Variants in ATP2B2 observed in about 807,000 individuals in gnomAD.
The protein encoded by ATP2B2 is ATPase plasma membrane Ca2+ transporting 2, also known as plasma membrane calcium-transporting ATPase 2.
ATP2B2 carries 15 observed loss-of-function variants against 120.0 expected under a neutral mutation model. The ratio of observed to expected loss-of-function variants is 0.12; its 90% CI spans 0.08 to 0.19. ATP2B2 has a LOEUF of 0.19. Among genes scored for constraint, ATP2B2 ranks in the 10% least tolerant of loss-of-function variants. The probability of loss-of-function intolerance (pLI) is 1.00; values close to 1 mark genes in which losing one functional copy is unlikely to be tolerated. For missense variants in ATP2B2, 1,045 were observed against 1,719.8 expected, an observed-to-expected ratio of 0.61 and a Z score of 6.94; for synonymous variants, 694 against 700.3, an observed-to-expected ratio of 0.99 and a Z score of 0.14.
At chr3:10,489,278 C>G (rs1038923537) in intron 1 of ATP2B2, among the ~76,000 whole-genome samples, 1 of 152,168 alleles carries the variant, frequency 6.6e-6, no homozygotes, top group African/African-American at 2.4e-5. Flanking sequence ...TGTTTATGGT[C>G]TCTCTCCACC....
intron 2 of ATP2B2, among the ~76,000 whole-genome samples, chr3:10,564,023 A>G (rs2125534263): frequency 6.6e-6 from 1 of 152,316 alleles, no homozygotes; most frequent in East Asian, 1.9e-4. Flanking sequence ...ATGTGTTTTC[A>G]TGGGGCTGCC....
chr3:10,509,019 C>T (rs1575439043), upstream of ATP2B2, among the ~76,000 whole-genome samples: 1 of 152,196 alleles, frequency 6.6e-6, no homozygotes, highest in African/African-American at 2.4e-5. Context: ...CCATGTTTTT[C>T]TCCCTTGGGG....
At chr3:10,345,088 C>T (rs1166788155) in intron 18 of ATP2B2, among the ~76,000 whole-genome samples, 2 of 152,214 alleles carry the variant, frequency 1.3e-5, no homozygotes, top group Non-Finnish European at 2.9e-5. Flanking sequence ...TTGAGGATTC[C>T]CTCTCCTGCC....
At chr3:10,384,593 T>A (rs1226683878) in intron 8 of ATP2B2, among the ~76,000 whole-genome samples, 3 of 152,124 alleles carry the variant, frequency 2.0e-5, no homozygotes, top group African/African-American at 7.2e-5. Context: ...CAGTACACAG[T>A]GCCAGCCCCT....
At chr3:10,338,730 C>A (rs111950869) in intron 21 of ATP2B2, 1 of 322,082 alleles carries the variant, frequency 3.1e-6, no homozygotes, top group Non-Finnish European at 5.9e-6. Context: ...CCTCACCGAG[C>A]TTTGGTTTTC....
intron 2 of ATP2B2, among the ~76,000 whole-genome samples, chr3:10,610,535 G>A (rs1342593384): frequency 2.0e-5 from 3 of 152,194 alleles, no homozygotes; most frequent in African/African-American, 7.2e-5. Context: ...CACTGCATGA[G>A]GTGAATGGAG....
At chr3:10,645,598 T>A (rs1434184186) in intron 1 of ATP2B2, among the ~76,000 whole-genome samples, 1 of 152,174 alleles carries the variant, frequency 6.6e-6, no homozygotes, top group East Asian at 1.9e-4. Flanking sequence ...GTTCTTGCAA[T>A]TTGAGATTTC....
intron 12 of ATP2B2, among the ~76,000 whole-genome samples, chr3:10,369,068 G>A (rs906114391): frequency 2.6e-5 from 4 of 152,200 alleles, no homozygotes; most frequent in African/African-American, 7.2e-5. Flanking sequence ...GCATATGGGA[G>A]CCCAGCCCTG....
At chr3:10,477,450 T>C (rs2065247921) in intron 1 of ATP2B2, among the ~76,000 whole-genome samples, 1 of 152,244 alleles carries the variant, frequency 6.6e-6, no homozygotes, top group African/African-American at 2.4e-5. Context: ...TTCAGTGACA[T>C]TAAGTGCATC....
Position 10,340,758 on chromosome 3 carries a change from G to C in ATP2B2, c.2918-54C>G. ...GAAGGCAGTGGTGGGGGAATCAGAG[G>C]GGAGATGCCTGGCCTTTCGTGGGGG... On this transcript the variant is annotated intron_variant, in intron 19 of 22. Transcript: ENST00000360273. This position sits in a 1 kb window ranked among gnomAD's most constrained non-coding sequence, Gnocchi z 5.0. 1 of 1,587,356 alleles carries C rather than the reference G, an allele frequency of 6.3e-7. No individual in the cohort carries two copies. Among genetic ancestry groups the C allele is most frequent in the Non-Finnish European group, 8.6e-7 (1 of 1,156,336 alleles).
At chr3:10,427,114 G>A (rs1327873649) in intron 2 of ATP2B2, among the ~76,000 whole-genome samples, 2 of 152,180 alleles carry the variant, frequency 1.3e-5, no homozygotes, top group East Asian at 3.8e-4. Context: ...CAAAACAGAT[G>A]TGGGTTAAGG....
intron 2 of ATP2B2, among the ~76,000 whole-genome samples, chr3:10,416,032 G>T (rs1338911043): frequency 6.6e-6 from 1 of 152,176 alleles, no homozygotes; most frequent in Non-Finnish European, 1.5e-5. Flanking sequence ...CCTCTAGGCT[G>T]GGGAAACCCA....
intron 12 of ATP2B2, among the ~76,000 whole-genome samples, chr3:10,365,330 G>T (rs1419320787): frequency 6.6e-6 from 1 of 152,230 alleles, no homozygotes; most frequent in Non-Finnish European, 1.5e-5. Flanking sequence ...TTGTGTTTGT[G>T]TGTGGGGTGC....
rs2071884848 is a variant in ATP2B2 at position 10,705,638 on chromosome 3, G to C, written c.-460+2277C>G. On this transcript the variant is annotated intron_variant, in intron 1 of 21. Transcript: ENST00000646379. ...CAGGTCAGTAGCAGAGGTGGTCCCA[G>C]CTCTACTACTAACCAGCTGCATGTA... Among the ~76,000 whole-genome samples the C allele has an allele frequency of 2.6e-5, 4 of 152,228 alleles. No homozygotes were observed. The South Asian group carries it at 8.3e-4, about 32-fold the overall frequency.
intron 14 of ATP2B2, among the ~76,000 whole-genome samples, chr3:10,356,629 G>A (rs928803341): frequency 2.0e-5 from 3 of 152,198 alleles, no homozygotes; most frequent in African/African-American, 7.2e-5. Context: ...GGAGCTCTGG[G>A]AGGGCCCGGG....
chr3:10,354,331 G>T (rs945117546), intron 14 of ATP2B2, among the ~76,000 whole-genome samples: 2 of 152,120 alleles, frequency 1.3e-5, no homozygotes, highest in Non-Finnish European at 2.9e-5. Flanking sequence ...GTTGAAATAT[G>T]CTTCCCACAT....
intron 2 of ATP2B2, among the ~76,000 whole-genome samples, chr3:10,559,565 T>A (rs754501241): frequency 6.6e-6 from 1 of 151,022 alleles, no homozygotes; most frequent in Non-Finnish European, 1.5e-5. Context: ...GACAGGGAAG[T>A]CTTTAGGCCT....
Position 10,660,974 on chromosome 3 carries a change from T to C in ATP2B2, c.-459-41013A>G, listed in dbSNP as rs1170903406. ...AAATCAATAAACGTAACCCAGCATATAAACAGAACCAAAGACAAAAACCAC... is the reference window on the plus strand; with the variant it reads ...AAATCAATAAACGTAACCCAGCATACAAACAGAACCAAAGACAAAAACCAC... On this transcript the variant is annotated intron_variant, in intron 1 of 21. Coordinates refer to the ATP2B2 transcript ENST00000646379. Among the ~76,000 whole-genome samples the C allele has an allele frequency of 2.0e-5, 3 of 152,188 alleles. No individual in the cohort carries two copies. The East Asian group carries it at 5.8e-4, about 29-fold the overall frequency.
intron 1 of ATP2B2, among the ~76,000 whole-genome samples, chr3:10,653,444 T>G (rs1021969545): frequency 6.6e-6 from 1 of 152,102 alleles, no homozygotes; most frequent in African/African-American, 2.4e-5. Flanking sequence ...GGAAGGTGCC[T>G]GAGTTGAGGG....
Sources: allele counts gnomAD v4.1 joint callset (sites outside exome capture counted in the v4.1 genomes callset), GRCh38; gene constraint gnomAD v4.1.1; non-coding constraint Gnocchi (gnomAD v3.1); transcripts MANE v1.5; gene names NCBI Gene and HGNC (gene_info 2026-07-23, HGNC 2026-07-21).